The following CHD7 variants were observed in gnomAD, a reference collection of about 807,000 sequenced individuals.
CHD7 encodes the protein chromodomain helicase DNA binding protein 7.
CHD7 carries 24 observed loss-of-function variants against 307.3 expected under a neutral mutation model. The ratio of observed to expected loss-of-function variants is 0.08; its 90% CI spans 0.06 to 0.11. The LOEUF (loss-of-function observed/expected upper bound fraction) is 0.11. Ranked by LOEUF, CHD7 falls within the 10% of genes least tolerant of loss-of-function variation. The pLI is 1.00. For missense variants in CHD7, 3,106 were observed against 3,727.1 expected (o/e 0.83, Z 4.34); for synonymous variants, 1,363 against 1,349.9 (o/e 1.01, Z -0.21).
At chr8:60,697,505 G>C (rs1342156229) in intron 1 of CHD7, among the ~76,000 whole-genome samples, 2 of 152,110 alleles carry the variant, frequency 1.3e-5, no homozygotes, top group South Asian at 4.1e-4. Flanking sequence ...AATAATAAAT[G>C]GGTTGTTGGT....
In CHD7 at chr8:60,699,181, A is replaced by T. The variant is rs193067036; in HGVS notation, c.-175+20099A>T. ...GAAAGTATGATTGTGGCAACTACCT[A>T]TAGAACATTTTGCTGGTGGTATCTT... On this transcript the variant is annotated intron_variant, in intron 1 of 37. Transcript: ENST00000423902. 1.7e-3 allele frequency among the ~76,000 whole-genome samples: 259 copies of T among 152,364 alleles called. 1 individual carries two copies. The highest frequency in any genetic ancestry group is 5.8e-3 in the African/African-American group (241 of 41,592).
chr8:60,840,345 C>A (rs1045082201), intron 19 of CHD7, among the ~76,000 whole-genome samples: 6 of 152,120 alleles, frequency 3.9e-5, no homozygotes, highest in African/African-American at 1.4e-4. Flanking sequence ...ATGTGCACAG[C>A]CAAACTTATC....
chr8:60,850,239 T>C lies in CHD7; in HGVS notation c.5405-254T>C, dbSNP rs143616373. Among the ~76,000 whole-genome samples, 653 of 152,334 alleles carry C rather than the reference T, an allele frequency of 4.3e-3. 5 individuals are homozygous for C. Among genetic ancestry groups the C allele is most frequent in the Non-Finnish European group, 7.2e-3 (487 of 68,030 alleles). The stretch of plus-strand genomic sequence containing the variant: ...AATCCTCCCAGGCATCTTGCAGTTA[T>C]TCTGAACCTGTTTTTCTATTAGTGT... On this transcript the variant is annotated intron_variant, in intron 25 of 37. Transcript: ENST00000423902.
chr8:60,694,321 G>A (rs1304052299), intron 1 of CHD7, among the ~76,000 whole-genome samples: 1 of 152,246 alleles, frequency 6.6e-6, no homozygotes, highest in Non-Finnish European at 1.5e-5. Context: ...GTGTGCAGAT[G>A]TGAGATTATG....
Position 60,727,430 on chromosome 8 carries a change from A to G in CHD7, c.-174-13829A>G, listed in dbSNP as rs975639294. Among the ~76,000 whole-genome samples the G allele has an allele frequency of 2.6e-5, 4 of 152,218 alleles. No homozygotes were observed. In the East Asian group the frequency reaches 5.8e-4, roughly 22 times the overall value. On this transcript the variant is annotated intron_variant, in intron 1 of 37. Coordinates refer to ENST00000423902, the MANE Select transcript of CHD7 (RefSeq NM_017780.4). ...AGGCATGAGCCACTGCACCTGGCCC[A>G]TAGTAACTACTCTTAACAGAGTTAA... is the stretch of plus-strand genomic sequence containing the variant.
At chr8:60,835,163 C>T (rs149789391) in intron 15 of CHD7, among the ~76,000 whole-genome samples, 17 of 152,282 alleles carry the variant, frequency 1.1e-4, no homozygotes, top group African/African-American at 3.6e-4. Context: ...ACCAATGCTG[C>T]GTAATTCTAG....
At chr8:60,862,051 A>C (rs1806002136) in intron 35 of CHD7, 145 bp from the exon 36 acceptor site, 1 of 654,638 alleles carries the variant, frequency 1.5e-6, no homozygotes, top group Non-Finnish European at 2.3e-6. Flanking sequence ...CAAAGAGAAA[A>C]ATATGGTTTC....
intron 1 of CHD7, among the ~76,000 whole-genome samples, chr8:60,722,887 A>AAC (rs1807980884): frequency 1.3e-5 from 2 of 152,230 alleles, no homozygotes; most frequent in Admixed American, 6.5e-5. Context: ...ATTACATCAA[A>AAC]ACTCTACAAG....
Position 60,830,521 on chromosome 8 carries a change from T to G in CHD7, c.3722T>G (p.Leu1241Arg). Residue 1241 changes from leucine (L) to arginine (R), a missense_variant, in exon 15 of 38, where the codon CTA (leucine) becomes CGA (arginine). Physicochemically the swap from Leu to Arg is moderately radical, Grantham distance 102 (BLOSUM62 -2). Around this residue, in one of 10 missense-constraint regions of CHD7, gnomAD observed 232 missense variants for 422.5 expected, o/e 0.55. Transcript: ENST00000423902. Reference sequence around the variant, plus strand: ...GGTGGTCAAGCTAACGTACCTAACCTATTAAACACTATGATGGAATTGCGG... The same window carrying G: ...GGTGGTCAAGCTAACGTACCTAACCGATTAAACACTATGATGGAATTGCGG... ...KGGGQANVPN[L>R]LNTMMELRKC... 1 of 1,614,012 alleles carries G rather than the reference T, an allele frequency of 6.2e-7. No homozygotes were observed. Among genetic ancestry groups the G allele is most frequent in the Admixed American group, 1.7e-5 (1 of 60,022 alleles).
At chr8:60,805,848 A>G (rs1812512277) in intron 6 of CHD7, among the ~76,000 whole-genome samples, 1 of 152,162 alleles carries the variant, frequency 6.6e-6, no homozygotes. Flanking sequence ...CATTTGATAC[A>G]TTTGAAGGCA....
intron 6 of CHD7, among the ~76,000 whole-genome samples, chr8:60,802,382 A>G (rs113123931): frequency 9.6e-4 from 146 of 152,352 alleles, no homozygotes; most frequent in African/African-American, 3.4e-3. Flanking sequence ...TACAACATGC[A>G]GTTTTTCGTG....
chr8:60,685,528 T>A (rs1442818858), intron 1 of CHD7, among the ~76,000 whole-genome samples: 2 of 152,146 alleles, frequency 1.3e-5, no homozygotes, highest in East Asian at 3.8e-4. Context: ...GGGTGGCAGG[T>A]CCCCCATGTT....
In CHD7 at chr8:60,836,204, G is replaced by A. The variant is rs1313841155; in HGVS notation, c.3910G>A (p.Ala1304Thr). 6.2e-7 allele frequency: 1 copy of A among 1,614,010 alleles called. No homozygotes were observed. Among genetic ancestry groups the A allele is most frequent in the South Asian group, 1.1e-5 (1 of 91,036 alleles). ...TGACAAGCTGCTGCCAAAACTGAAG[G>A]CTGGTGGCCACAGGGTGCTTATCTT... ...LIDKLLPKLK[A>T]GGHRVLIFSQ... The change falls in exon 16 of 38, where the codon GCT becomes ACT. Residue 1304 changes from alanine to threonine, a missense_variant. Ala to Thr is a moderately conservative substitution (Grantham distance 58, BLOSUM62 0). Transcript: ENST00000423902.
intron 1 of CHD7, among the ~76,000 whole-genome samples, chr8:60,693,788 A>G (rs191032723): frequency 6.6e-6 from 1 of 152,384 alleles, no homozygotes; most frequent in East Asian, 1.9e-4. Flanking sequence ...AACAATGTCA[A>G]TAGTATAATG....
In CHD7 at chr8:60,741,592, C is replaced by T; in HGVS notation, c.160C>T (p.Leu54Phe). ...DQGFASLQPS[L>F]HHPSTNQNQT... ...AGGCTTTGCCTCTTTACAGCCATCC[C>T]TTCATCATCCTTCAACTAATCAAAA... The change falls in exon 2 of 38, where the codon CTT becomes TTT. Residue 54 changes from leucine (L) to phenylalanine (F), a missense_variant. Leu to Phe is a conservative substitution (Grantham distance 22). This residue lies in a region of CHD7 where 998 missense variants were observed against 1,004.5 expected (regional missense o/e 0.99). Transcript: ENST00000423902. 1.2e-6 allele frequency: 2 copies of T among 1,613,724 alleles called. No homozygotes were observed. Among genetic ancestry groups the T allele is most frequent in the Non-Finnish European group, 1.7e-6 (2 of 1,179,768 alleles).
At chr8:60,701,961 C>T (rs1285618163) in intron 1 of CHD7, among the ~76,000 whole-genome samples, 3 of 152,202 alleles carry the variant, frequency 2.0e-5, no homozygotes, top group African/African-American at 7.2e-5. Flanking sequence ...GGAGGCTGTG[C>T]CTCCCTGCAG....
rs774274534 is a variant in CHD7 at position 60,742,384 on chromosome 8, C to T, written c.952C>T (p.Leu318=). ...GQYSRYPYSN[L]NQGLVNNTGM... The stretch of plus-strand genomic sequence containing the variant: ...GTATTCTCGATATCCTTACAGTAAC[C>T]TAAATCAGGGATTAGTTAACAATAC... Residue 318 remains leucine, a synonymous_variant, in exon 2 of 38, where the codon CTA becomes TTA. Transcript: ENST00000423902. 6.2e-7 allele frequency: 1 copy of T among 1,613,982 alleles called. No individual in the cohort carries two copies. Among genetic ancestry groups the T allele is most frequent in the East Asian group, 2.2e-5 (1 of 44,886 alleles).
intron 3 of CHD7, among the ~76,000 whole-genome samples, chr8:60,784,886 T>A (rs990059384): frequency 6.6e-6 from 1 of 152,348 alleles, no homozygotes; most frequent in Admixed American, 6.5e-5. Flanking sequence ...CTAATCAGGC[T>A]GTATCTTTTT....
intron 1 of CHD7, among the ~76,000 whole-genome samples, chr8:60,726,465 G>T (rs531303737): frequency 6.6e-6 from 1 of 152,162 alleles, no homozygotes; most frequent in African/African-American, 2.4e-5. Flanking sequence ...GAATGCTTTC[G>T]AAATTAAGAT....
Sources: allele counts gnomAD v4.1 joint callset (sites outside exome capture counted in the v4.1 genomes callset), GRCh38; gene constraint gnomAD v4.1.1; regional missense constraint gnomAD v4.1.1; transcripts MANE v1.5; gene names NCBI Gene and HGNC (gene_info 2026-07-23, HGNC 2026-07-21).